Variants in MTAP observed in about 807,000 individuals in gnomAD.
MTAP encodes the protein methylthioadenosine phosphorylase.
A neutral mutation model predicts 33.6 loss-of-function variants in MTAP; 33 were observed. That is an observed-to-expected ratio of 0.98 (90% CI 0.74 to 1.31). The LOEUF (loss-of-function observed/expected upper bound fraction) is 1.31. Among genes scored for constraint, MTAP ranks in the 40% most tolerant of loss-of-function variants. The probability of loss-of-function intolerance (pLI) is 0.00; values close to 1 mark genes in which losing one functional copy is unlikely to be tolerated. For synonymous variants in MTAP, 148 were observed against 125.7 expected (o/e 1.18, Z -1.19); for missense variants, 367 against 360.0 (o/e 1.02, Z -0.16).
rs925292100 is a variant in MTAP, at chr9:21,920,272, A to T, written c.148-10736A>T. On this transcript the variant is annotated intron_variant, in intron 1 of 1. Transcript: ENST00000577563. ...GCCCATGACCAGAGAGAGCTGTGAG[A>T]GTATAAATAAACAGTGCCCACCTAA... 5.3e-5 allele frequency among the ~76,000 whole-genome samples: 8 copies of T among 152,148 alleles called. No individual in the cohort carries two copies. The East Asian group carries it at 1.4e-3, about 26-fold the overall frequency.
In MTAP at chr9:21,864,707, G is replaced by A. The variant is rs1825822182; in HGVS notation, c.*2693G>A. On this transcript the variant is annotated 3_prime_UTR_variant, in exon 8 of 8. Coordinates refer to ENST00000644715, the MANE Select transcript of MTAP (RefSeq NM_002451.4). ...GTTTCAAGGAAGGAAACTCTGGTACGGTGGCACCCTCAGGAGTGGAGGACA... is the reference window on the plus strand; with the variant it reads ...GTTTCAAGGAAGGAAACTCTGGTACAGTGGCACCCTCAGGAGTGGAGGACA... 1.1e-5 allele frequency: 11 copies of A among 985,388 alleles called. No individual in the cohort carries two copies. The highest frequency in any genetic ancestry group is 1.3e-5 in the Non-Finnish European group (11 of 829,990). The allele number at this position is 985,388 out of a possible 1,614,324, so 61.0% of individuals were successfully genotyped here.
intron 1 of MTAP, among the ~76,000 whole-genome samples, chr9:21,920,581 A>G (rs757351549): frequency 3.3e-5 from 5 of 152,194 alleles, no homozygotes; most frequent in Non-Finnish European, 7.3e-5. Context: ...TTACCTTCCA[A>G]TAGCCCACTC....
intron 1 of MTAP, among the ~76,000 whole-genome samples, chr9:21,896,535 T>TA: frequency 6.6e-6 from 1 of 151,982 alleles, no homozygotes; most frequent in South Asian, 2.1e-4. Context: ...TTAGATGCAA[T>TA]AAAAAATGAT....
At chr9:21,806,865 G>A (rs923998648) in intron 1 of MTAP, among the ~76,000 whole-genome samples, 1 of 152,100 alleles carries the variant, frequency 6.6e-6, no homozygotes, top group African/African-American at 2.4e-5. Flanking sequence ...CATTCTGGGA[G>A]ATTAAAAATA....
At chr9:21,885,671 G>C (rs1438926745) in intron 1 of MTAP, among the ~76,000 whole-genome samples, 2 of 151,952 alleles carry the variant, frequency 1.3e-5, no homozygotes, top group East Asian at 3.9e-4. Flanking sequence ...TATGATGTTT[G>C]GTTTTCTGTT....
In MTAP at chr9:21,856,891, C is replaced by T. The variant is rs116111631; in HGVS notation, c.690+2021C>T. ...GGGCGAGTTATTTCACTTGTTTACTCTTCTGTAGAATGAAGCCAGGGCTCT... is the reference window on the plus strand; with the variant it reads ...GGGCGAGTTATTTCACTTGTTTACTTTTCTGTAGAATGAAGCCAGGGCTCT... On this transcript the variant is annotated intron_variant, in intron 6 of 7. Transcript: ENST00000644715. Among the ~76,000 whole-genome samples the T allele has an allele frequency of 5.7e-3, 864 of 152,304 alleles. 7 individuals are homozygous for T. Among genetic ancestry groups the T allele is most frequent in the African/African-American group, 0.02 (831 of 41,562 alleles).
chr9:21,811,922 C>T (rs1458129457), intron 1 of MTAP: 3 of 341,030 alleles, frequency 8.8e-6, no homozygotes, highest in Non-Finnish European at 1.2e-5. Context: ...CTTGGGGGAT[C>T]CAACCAACAA....
downstream of MTAP, chr9:21,936,090 T>C (rs1190977564): frequency 6.6e-6 from 1 of 152,222 alleles, no homozygotes; most frequent in Non-Finnish European, 1.5e-5. Flanking sequence ...CTACTTCTTG[T>C]GCTGATCTAA....
chr9:21,898,404 C>T (rs1341111645), intron 1 of MTAP, among the ~76,000 whole-genome samples: 2 of 152,130 alleles, frequency 1.3e-5, no homozygotes, highest in Non-Finnish European at 2.9e-5. Context: ...AACTAAAGAG[C>T]TTCTGCATAG....
At chr9:21,816,215 C>G (rs7851125) in intron 2 of MTAP, among the ~76,000 whole-genome samples, 29,215 of 152,058 alleles carry the variant, frequency 0.19, 3,651 homozygotes, top group African/African-American at 0.35. Flanking sequence ...TGCAGTCATC[C>G]TGGTTCATTT....
rs576874192 is a variant in MTAP, at chr9:21,925,337, G to T, written c.148-5671G>T. Among the ~76,000 whole-genome samples the T allele has an allele frequency of 3.3e-5, 5 of 152,274 alleles. No individual in the cohort carries two copies. The East Asian group carries it at 7.7e-4, about 23-fold the overall frequency. ...GAAGGACCATTTTTTAACTCAGGCA[G>T]CCCCACATATTTGGAGGAAACTCTA... is the stretch of plus-strand genomic sequence containing the variant. On this transcript the variant is annotated intron_variant, in intron 1 of 1. Transcript: ENST00000577563.
chr9:21,817,470 A>G (rs1343960104), intron 3 of MTAP, among the ~76,000 whole-genome samples: 2 of 151,948 alleles, frequency 1.3e-5, no homozygotes, highest in African/African-American at 2.4e-5. Context: ...AAGCTCGTGT[A>G]GTTGTAGGAG....
chr9:21,818,173 T>G lies in MTAP; in HGVS notation c.318T>G (p.Asp106Glu), dbSNP rs780101704. 1.2e-6 allele frequency: 2 copies of G among 1,613,992 alleles called. No homozygotes were observed. Among genetic ancestry groups the G allele is most frequent in the East Asian group, 4.5e-5 (2 of 44,858 alleles). Residue 106 changes from aspartate to glutamate, a missense_variant, in exon 4 of 8, where the codon GAT (aspartate) becomes GAG (glutamate). Asp to Glu is a conservative substitution (Grantham distance 45). Transcript: ENST00000644715. ...TGAGGGAGGAGATTCAGCCCGGCGA[T>G]ATTGTCATTATTGATCAGTTCATTG... The part of the protein sequence containing the change: ...GSLREEIQPG[D>E]IVIIDQFIDR...
rs201077425 is a variant in MTAP at position 21,872,708 on chromosome 9, G to T, written c.147+17838G>T. Among the ~76,000 whole-genome samples, 558 of 152,322 alleles carry T rather than the reference G, an allele frequency of 3.7e-3. 2 individuals carry two copies. Among genetic ancestry groups the T allele is most frequent in the Non-Finnish European group, 6.4e-3 (435 of 68,016 alleles). On this transcript the variant is annotated intron_variant, in intron 1 of 1. Transcript: ENST00000577563. ...AATGCTATACTACACAGTCTGTTCT[G>T]TGAGGTGTAGAGCAAGCATTAATGA...
chr9:21,805,370 A>G (rs528029242), intron 1 of MTAP, among the ~76,000 whole-genome samples: 1 of 152,350 alleles, frequency 6.6e-6, no homozygotes, highest in East Asian at 1.9e-4. Context: ...AATACCTGCT[A>G]GACAATGGGG....
intron 7 of MTAP, chr9:21,861,239 G>T (rs1563850623): frequency 6.6e-6 from 1 of 152,086 alleles, no homozygotes; most frequent in Non-Finnish European, 1.5e-5. Flanking sequence ...GTAAAATTGT[G>T]TGATTTTATT....
At chr9:21,837,188 C>T (rs927918036) in intron 4 of MTAP, among the ~76,000 whole-genome samples, 2 of 152,070 alleles carry the variant, frequency 1.3e-5, no homozygotes, top group Admixed American at 6.5e-5. Context: ...GAATTAATTA[C>T]GGCTGGGAAA....
intron 1 of MTAP, among the ~76,000 whole-genome samples, chr9:21,804,926 C>T (rs894632851): frequency 6.6e-6 from 1 of 152,206 alleles, no homozygotes; most frequent in East Asian, 1.9e-4. Context: ...GCCCTGTTTT[C>T]TTGTGACCTA....
intron 1 of MTAP, among the ~76,000 whole-genome samples, chr9:21,918,730 A>G (rs1818735963): frequency 1.3e-5 from 2 of 152,068 alleles, no homozygotes; most frequent in African/African-American, 2.4e-5. Context: ...ACAAGATCTG[A>G]TGGTTTTATA....
Sources: allele counts gnomAD v4.1 joint callset (sites outside exome capture counted in the v4.1 genomes callset), GRCh38; gene constraint gnomAD v4.1.1; transcripts MANE v1.5; gene names NCBI Gene and HGNC (gene_info 2026-07-23, HGNC 2026-07-21).